The following DSEL variants were observed in gnomAD, a reference collection of about 807,000 sequenced individuals.
DSEL encodes the protein dermatan-sulfate epimerase-like protein.
DSEL carries 61 observed loss-of-function variants against 96.6 expected under a neutral mutation model. The observed-to-expected ratio is 0.63, with a 90% CI of 0.51 to 0.78. The LOEUF (loss-of-function observed/expected upper bound fraction) is 0.78, where lower values mean the gene tolerates loss of function less well. Ranked by LOEUF, DSEL falls within the 30% of genes least tolerant of loss-of-function variation. The pLI is 0.00. For synonymous variants in DSEL, 514 were observed against 502.0 expected, an observed-to-expected ratio of 1.02 and a Z score of -0.32; for missense variants, 1,320 against 1,430.8, an observed-to-expected ratio of 0.92 and a Z score of 1.25.
rs2089454767 is a variant in DSEL at position 67,513,277 on chromosome 18, A to G, written c.1332T>C (p.Ala444=). Residue 444 remains alanine, a synonymous_variant, in exon 2 of 2, where the codon GCT becomes GCC. Coordinates refer to ENST00000310045, the MANE Select transcript of DSEL (RefSeq NM_032160.3). ...SFKSGKLGGR[A]VYDIVHFQPY... ...GCTGAAAATGAACTATGTCATACACAGCTCGTCCCCCCAGCTTCCCAGATT... is the reference window on the plus strand; with the variant it reads ...GCTGAAAATGAACTATGTCATACACGGCTCGTCCCCCCAGCTTCCCAGATT... The G allele has an allele frequency of 6.2e-7, 1 of 1,614,084 alleles. No homozygotes were observed. Among genetic ancestry groups the G allele is most frequent in the African/African-American group, 1.3e-5 (1 of 74,930 alleles).
rs2089417488 is a variant in DSEL at position 67,507,600 on chromosome 18, T to A, written c.*3370A>T. On this transcript the variant is annotated 3_prime_UTR_variant, in exon 2 of 2. Coordinates refer to ENST00000310045, the MANE Select transcript of DSEL (RefSeq NM_032160.3). Reference sequence around the variant, plus strand: ...ATGTACAGAAATCGTTGCTGAACAATTATGCCAACCAAAAGTAAGTGGTGG... The same window carrying A: ...ATGTACAGAAATCGTTGCTGAACAAATATGCCAACCAAAAGTAAGTGGTGG... 6.6e-6 allele frequency: 1 copy of A among 152,194 alleles called. No homozygotes were observed. The highest frequency in any genetic ancestry group is 1.5e-5 in the Non-Finnish European group (1 of 68,030). 9.4% of individuals were successfully genotyped at this position (152,194 alleles called of 1,614,324 possible).
chr18:67,514,941 A>C lies in DSEL; in HGVS notation c.-333T>G. 3.0e-6 allele frequency: 1 copy of C among 329,464 alleles called. No individual in the cohort carries two copies. The allele number at this position is 329,464 out of a possible 1,614,324, so 20.4% of individuals were successfully genotyped here. A position where few individuals can be genotyped will look rare whatever the true frequency, so the allele number is the denominator to read the frequency against. Reference sequence around the variant, plus strand: ...TTTAGCATTTACCTCCTTTACTTAAATCTATTTAACACAAAGAGTTGGAAC... The same window carrying C: ...TTTAGCATTTACCTCCTTTACTTAACTCTATTTAACACAAAGAGTTGGAAC... On this transcript the variant is annotated 5_prime_UTR_variant, in exon 2 of 2. Coordinates refer to ENST00000310045, the MANE Select transcript of DSEL (RefSeq NM_032160.3).
In DSEL at chr18:67,512,313, A is replaced by G. The variant is rs1437155687; in HGVS notation, c.2296T>C (p.Phe766Leu). 1.2e-6 allele frequency: 2 copies of G among 1,614,102 alleles called. No homozygotes were observed. Among genetic ancestry groups the G allele is most frequent in the African/African-American group, 2.7e-5 (2 of 74,942 alleles). Residue 766 changes from phenylalanine to leucine, a missense_variant, in exon 2 of 2, where the codon TTC (phenylalanine) becomes CTC (leucine). Phe to Leu is a conservative substitution (Grantham distance 22). Transcript: ENST00000310045. ...VKPVRHDRII[F>L]PFGFKFNIAV... ...ATATTAAATTTAAATCCAAAGGGGA[A>G]AATAATCCTATCATGTCTTACAGGC...
Position 67,509,690 on chromosome 18 carries a change from T to A in DSEL, c.*1280A>T, listed in dbSNP as rs1308840595. The A allele has an allele frequency of 1.3e-5, 2 of 152,386 alleles. No homozygotes were observed. The highest frequency in any genetic ancestry group is 4.8e-5 in the African/African-American group (2 of 41,450). The allele number at this position is 152,386 out of a possible 1,614,324, so 9.4% of individuals were successfully genotyped here. ...CAGTTTGAAACATCAGGAAGAAGAC[T>A]GCAATCTGTACAGAGATTTTCATCA... is the stretch of plus-strand genomic sequence containing the variant. On this transcript the variant is annotated 3_prime_UTR_variant, in exon 2 of 2. Transcript: ENST00000310045.
chr18:67,512,902 T>C lies in DSEL; in HGVS notation c.1707A>G (p.Val569=), dbSNP rs1026293599. ...AYSSAMRLKS[V]YRALLLLNSQ... ...AATTTAAGAGAAGCAAAGCACGATA[T>C]ACACTTTTCAGTCTCATTGCTGAAG... is the stretch of plus-strand genomic sequence containing the variant. The change falls in exon 2 of 2, where the codon GTA becomes GTG. Residue 569 remains valine (V), a synonymous_variant. Transcript: ENST00000310045. 6 of 1,614,190 alleles carry C rather than the reference T, an allele frequency of 3.7e-6. No individual in the cohort carries two copies. The highest frequency in any genetic ancestry group is 3.3e-5 in the Admixed American group (2 of 60,022).
rs576837068 is a variant in DSEL at position 67,516,025 on chromosome 18, C to G, written c.-885+336G>C. ...TCGGCGGGGTAACCGCGAATCGTGA[C>G]CAGGCGCCAAGCCGAGGGGCGGGAG... On this transcript the variant is annotated intron_variant, in intron 1 of 1. Transcript: ENST00000310045. This position sits in a 1 kb window ranked among gnomAD's most constrained non-coding sequence, Gnocchi z 5.6. Among the ~76,000 whole-genome samples the G allele has an allele frequency of 6.6e-6, 1 of 151,828 alleles. No individual in the cohort carries two copies. Among genetic ancestry groups the G allele is most frequent in the Non-Finnish European group, 1.5e-5 (1 of 67,990 alleles).
chr18:67,511,693 A>C lies in DSEL; in HGVS notation c.2916T>G (p.Ser972Arg). 6.2e-7 allele frequency: 1 copy of C among 1,614,024 alleles called. No individual in the cohort carries two copies. Among genetic ancestry groups the C allele is most frequent in the Non-Finnish European group, 8.5e-7 (1 of 1,180,000 alleles). The stretch of plus-strand genomic sequence containing the variant: ...CTCTATCAAAGGCGCCTTTCATTTG[A>C]CTTCTTTGTTCTGGCAAAGACTCTC... ...KRRESLPEQR[S>R]QMKGAFDRDA... is the part of the protein sequence containing the mutation. The change falls in exon 2 of 2, where the codon AGT becomes AGG. Residue 972 changes from serine to arginine, a missense_variant. Ser to Arg is a moderately radical substitution (Grantham distance 110). Coordinates refer to ENST00000310045, the MANE Select transcript of DSEL (RefSeq NM_032160.3).
In DSEL at chr18:67,512,666, A is replaced by C. The variant is rs1206550330; in HGVS notation, c.1943T>G (p.Ile648Arg). The C allele has an allele frequency of 6.2e-7, 1 of 1,614,060 alleles. No individual in the cohort carries two copies. ...DHHGNSPMAS[I>R]QEAEQAAEFK... ...TTCAGCAGCTTGCTCTGCTTCCTGTATACTGGCCATGGGACTATTGCCATG... is the reference window on the plus strand; with the variant it reads ...TTCAGCAGCTTGCTCTGCTTCCTGTCTACTGGCCATGGGACTATTGCCATG... The change falls in exon 2 of 2, where the codon ATA becomes AGA. Residue 648 changes from isoleucine to arginine, a missense_variant. This residue lies in a region of DSEL where 986 missense variants were observed against 1,066.4 expected (regional missense o/e 0.92). Coordinates refer to ENST00000310045, the MANE Select transcript of DSEL (RefSeq NM_032160.3).
At position 67,514,437 on chromosome 18, in the gene DSEL, T is replaced by C. The variant is rs779277031; in HGVS notation, c.172A>G (p.Lys58Glu). Residue 58 changes from lysine (K) to glutamate (E), a missense_variant, in exon 2 of 2, where the codon AAA becomes GAA. Lys to Glu is a moderately conservative substitution (Grantham distance 56). Transcript: ENST00000310045. ...TATAAACTTGGATGAAGCATACTTT[T>C]CTTCAGCTTTTGGTTGGGTCTGAAA... ...QDFRPNQKLK[K>E]SMLHPSLYFD... 5.0e-6 allele frequency: 8 copies of C among 1,614,012 alleles called. No homozygotes were observed. The East Asian group carries it at 1.8e-4, about 36-fold the overall frequency.
rs369438334 is a variant in DSEL, at chr18:67,512,850, T to C, written c.1759A>G (p.Ile587Val). Reference sequence around the variant, plus strand: ...ATTGGGGAATCTTCTTGCCTCTCAATATGATCAACAACTAGCAGAGTTTGG... The same window carrying C: ...ATTGGGGAATCTTCTTGCCTCTCAACATGATCAACAACTAGCAGAGTTTGG... ...NSQTLLVVDH[I>V]ERQEDSPINS... The change falls in exon 2 of 2, where the codon ATT becomes GTT. Residue 587 changes from isoleucine to valine, a missense_variant. This residue lies in a region of DSEL where 986 missense variants were observed against 1,066.4 expected (regional missense o/e 0.92). Coordinates refer to ENST00000310045, the MANE Select transcript of DSEL (RefSeq NM_032160.3). 4 of 1,613,942 alleles carry C rather than the reference T, an allele frequency of 2.5e-6. No individual in the cohort carries two copies. In the African/African-American group the frequency reaches 5.3e-5, roughly 22 times the overall value.
In DSEL at chr18:67,513,817, T is replaced by C. The variant is rs200357230; in HGVS notation, c.792A>G (p.Leu264=). The change falls in exon 2 of 2, where the codon CTA becomes CTG. Residue 264 remains leucine, a synonymous_variant. Transcript: ENST00000310045. ...AAGAACCATCAACAATATGATTCAA[T>C]AGAAACATTGTCTTTTCCATGACAT... The part of the protein sequence containing the change: ...VVDVMEKTMF[L]LNHIVDGSLD... 21 of 1,614,070 alleles carry C rather than the reference T, an allele frequency of 1.3e-5. No homozygotes were observed. Among genetic ancestry groups the C allele is most frequent in the Non-Finnish European group, 1.6e-5 (19 of 1,180,032 alleles).
rs1056932022 is a variant in DSEL at position 67,511,367 on chromosome 18, T to A, written c.3242A>T (p.Tyr1081Phe). Residue 1081 changes from tyrosine (Y) to phenylalanine (F), a missense_variant, in exon 2 of 2, where the codon TAT becomes TTT. Coordinates refer to ENST00000310045, the MANE Select transcript of DSEL (RefSeq NM_032160.3). ...CNLNSGYAFE[Y>F]EPLRKELSKS... ...TGATAATTCTTTCCTCAATGGTTCA[T>A]ACTCGAAAGCATAACCCGAATTTAA... 6.2e-7 allele frequency: 1 copy of A among 1,603,510 alleles called. No homozygotes were observed. Among genetic ancestry groups the A allele is most frequent in the Non-Finnish European group, 8.5e-7 (1 of 1,179,964 alleles).
chr18:67,514,043 T>C lies in DSEL; in HGVS notation c.566A>G (p.Asp189Gly), dbSNP rs2144054412. The C allele has an allele frequency of 6.2e-7, 1 of 1,614,134 alleles. No individual in the cohort carries two copies. The highest frequency in any genetic ancestry group is 8.5e-7 in the Non-Finnish European group (1 of 1,179,988). ...CAGGTATTTTTGTCTTCGATGATTA[T>C]CTAATAAGTTATATAAAAAGTCAAA... The part of the protein sequence containing the change: ...TAFDFLYNLL[D>G]NHRRQKYLEK... The change falls in exon 2 of 2, where the codon GAT (aspartate) becomes GGT (glycine). Residue 189 changes from aspartate (D) to glycine (G), a missense_variant. By Grantham distance (94) the Asp-to-Gly change is moderately conservative (BLOSUM62 -1). This residue lies in a region of DSEL where 323 missense variants were observed against 333.1 expected (regional missense o/e 0.97). Transcript: ENST00000310045.
chr18:67,514,699 G>A lies in DSEL; in HGVS notation c.-91C>T. On this transcript the variant is annotated 5_prime_UTR_variant, in exon 2 of 2. Coordinates refer to ENST00000310045, the MANE Select transcript of DSEL (RefSeq NM_032160.3). ...TGGTTAGTATAAAACATACAGTAAA[G>A]GCCTTGATAAGACAAAGACTGTAAA... 7.2e-7 allele frequency: 1 copy of A among 1,382,238 alleles called. No homozygotes were observed. The highest frequency in any genetic ancestry group is 9.9e-7 in the Non-Finnish European group (1 of 1,006,688). 85.6% of individuals were successfully genotyped at this position (1,382,238 alleles called of 1,614,324 possible). A position where few individuals can be genotyped will look rare whatever the true frequency, so the allele number is the denominator to read the frequency against.
chr18:67,510,780 A>G lies in DSEL; in HGVS notation c.*190T>C, dbSNP rs1411358578. ...AAACAAAGGCAAGGGAGGTGATGAC[A>G]TAAAAATAAATCCTGCTAGGCCAAA... On this transcript the variant is annotated 3_prime_UTR_variant, in exon 2 of 2. Coordinates refer to ENST00000310045, the MANE Select transcript of DSEL (RefSeq NM_032160.3). The G allele has an allele frequency of 6.1e-6, 3 of 494,802 alleles. No individual in the cohort carries two copies. The highest frequency in any genetic ancestry group is 4.0e-5 in the African/African-American group (2 of 50,322). The allele number at this position is 494,802 out of a possible 1,614,324, so 30.7% of individuals were successfully genotyped here.
Position 67,512,489 on chromosome 18 carries a change from T to A in DSEL, c.2120A>T (p.Asn707Ile). Residue 707 changes from asparagine (N) to isoleucine (I), a missense_variant, in exon 2 of 2, where the codon AAT becomes ATT. This residue lies in a region of DSEL where 986 missense variants were observed against 1,066.4 expected (regional missense o/e 0.92). Transcript: ENST00000310045. Reference sequence around the variant, plus strand: ...AACAACATGTTCAGTATTATTGACATTGAGAGAAATCTGAAGTCCAGGATT... The same window carrying A: ...AACAACATGTTCAGTATTATTGACAATGAGAGAAATCTGAAGTCCAGGATT... Reference protein sequence around the residue: ...SSNPGLQISLNVNNTEHVVSI... With the variant: ...SSNPGLQISLIVNNTEHVVSI... 6.2e-7 allele frequency: 1 copy of A among 1,614,016 alleles called. No homozygotes were observed. Among genetic ancestry groups the A allele is most frequent in the South Asian group, 1.1e-5 (1 of 91,076 alleles).
Position 67,511,792 on chromosome 18 carries a change from C to T in DSEL, c.2817G>A (p.Leu939=). ...DTKLHLQNIH[L]HEPNRGKLAQ... is the part of the protein sequence containing the mutation. Reference sequence around the variant, plus strand: ...CCAGTTTACCCCTATTGGGTTCATGCAGATGGATGTTTTGCAAATGTAATT... The same window carrying T: ...CCAGTTTACCCCTATTGGGTTCATGTAGATGGATGTTTTGCAAATGTAATT... Residue 939 remains leucine, a synonymous_variant, in exon 2 of 2, where the codon CTG becomes CTA. Coordinates refer to ENST00000310045, the MANE Select transcript of DSEL (RefSeq NM_032160.3). 4 of 1,614,154 alleles carry T rather than the reference C, an allele frequency of 2.5e-6. No homozygotes were observed. The highest frequency in any genetic ancestry group is 3.4e-6 in the Non-Finnish European group (4 of 1,180,038).
At position 67,513,356 on chromosome 18, in the gene DSEL, A is replaced by G; in HGVS notation, c.1253T>C (p.Val418Ala). 6.2e-7 allele frequency: 1 copy of G among 1,614,156 alleles called. No homozygotes were observed. Among genetic ancestry groups the G allele is most frequent in the Non-Finnish European group, 8.5e-7 (1 of 1,180,034 alleles). ...GTTTGGCAACCCAGCCCCATAAGTA[A>G]CCACACCCCAGTTAGGGAATGTGTG... is the stretch of plus-strand genomic sequence containing the variant. ...KIHTFPNWGV[V>A]TYGAGLPNTQ... is the part of the protein sequence containing the mutation. Residue 418 changes from valine (V) to alanine (A), a missense_variant, in exon 2 of 2, where the codon GTT becomes GCT. Val to Ala is a moderately conservative substitution (Grantham distance 64). Around this residue, in one of 3 missense-constraint regions of DSEL, gnomAD observed 986 missense variants for 1,066.4 expected, o/e 0.92. Transcript: ENST00000310045.
Position 67,513,142 on chromosome 18 carries a change from G to A in DSEL, c.1467C>T (p.Leu489=), listed in dbSNP as rs1345777335. ...TAAGGTGGCTCAACTTGGGTCCATA[G>A]AGAGCTTCAGAAACAAATACTTGTC... ...PNGQVFVSEA[L]YGPKLSHLNN... The change falls in exon 2 of 2, where the codon CTC becomes CTT. Residue 489 remains leucine, a synonymous_variant. Coordinates refer to ENST00000310045, the MANE Select transcript of DSEL (RefSeq NM_032160.3). The A allele has an allele frequency of 6.2e-7, 1 of 1,614,030 alleles. No individual in the cohort carries two copies. Among genetic ancestry groups the A allele is most frequent in the Non-Finnish European group, 8.5e-7 (1 of 1,180,036 alleles).
Sources: allele counts gnomAD v4.1 joint callset (sites outside exome capture counted in the v4.1 genomes callset), GRCh38; gene constraint gnomAD v4.1.1; regional missense constraint gnomAD v4.1.1; non-coding constraint Gnocchi (gnomAD v3.1); transcripts MANE v1.5; gene names NCBI Gene and HGNC (gene_info 2026-07-23, HGNC 2026-07-21).